The following TRPM3 variants were observed in gnomAD, a reference collection of about 807,000 sequenced individuals.
TRPM3 encodes transient receptor potential cation channel subfamily M member 3, also known as long transient receptor potential channel 3.
A neutral mutation model predicts 181.2 loss-of-function variants in TRPM3; 77 were observed. The ratio of observed to expected loss-of-function variants is 0.42; its 90% confidence interval spans 0.35 to 0.51. The LOEUF is 0.51. Among genes scored for constraint, TRPM3 ranks in the 20% least tolerant of loss-of-function variants. The pLI is 0.01. For missense variants in TRPM3, 1,759 were observed against 2,196.7 expected (o/e 0.80, Z 3.98); for synonymous variants, 745 against 796.4 (o/e 0.94, Z 1.09).
At chr9:70,949,341 G>A (rs1039711822) in intron 1 of TRPM3, among the ~76,000 whole-genome samples, 1 of 151,616 alleles carries the variant, frequency 6.6e-6, no homozygotes, top group African/African-American at 2.4e-5. Context: ...ATAGGCATGA[G>A]CCACCATGCC....
chr9:70,914,938 C>T (rs776901239), intron 1 of TRPM3, among the ~76,000 whole-genome samples: 2 of 152,202 alleles, frequency 1.3e-5, no homozygotes, highest in Non-Finnish European at 2.9e-5. Flanking sequence ...TAGATTACAA[C>T]ACCCAAGTCC....
At chr9:71,039,556 T>C (rs1281741311) in intron 1 of TRPM3, among the ~76,000 whole-genome samples, 1 of 152,176 alleles carries the variant, frequency 6.6e-6, no homozygotes, top group Non-Finnish European at 1.5e-5. Context: ...ATATGTAACC[T>C]TCTCACAAAA....
chr9:70,588,424 GT>G (rs1243942964), intron 22 of TRPM3, among the ~76,000 whole-genome samples: 4 of 151,440 alleles, frequency 2.6e-5, no homozygotes, highest in Non-Finnish European at 5.9e-5. Flanking sequence ...TTAAGAAAGA[GT>G]ATTTTCCCAA....
intron 9 of TRPM3, among the ~76,000 whole-genome samples, chr9:70,654,686 GTT>G (rs112874508): frequency 2.1e-5 from 3 of 142,248 alleles, no homozygotes. Context: ...GCACTCTGTA[GTT>G]TTTTTTTTTT....
intron 1 of TRPM3, among the ~76,000 whole-genome samples, chr9:70,895,475 T>G (rs922743997): frequency 3.9e-5 from 6 of 152,178 alleles, no homozygotes; most frequent in African/African-American, 1.4e-4. Context: ...ATATTTTGAT[T>G]AGAATTGTCT....
rs187873159 is a variant in TRPM3 at position 70,979,653 on chromosome 9, A to G, written c.178-115142T>C. On this transcript the variant is annotated intron_variant, in intron 1 of 25. Coordinates refer to ENST00000677713, the MANE Select transcript of TRPM3 (RefSeq NM_001366145.2). Reference sequence around the variant, plus strand: ...CTAAATTCAACCAACACTCTTCACAACTGCAGCCACCCCCTACCCACACAA... The same window carrying G: ...CTAAATTCAACCAACACTCTTCACAGCTGCAGCCACCCCCTACCCACACAA... 2.1e-3 allele frequency among the ~76,000 whole-genome samples: 324 copies of G among 152,310 alleles called. 1 individual carries two copies. Among genetic ancestry groups the G allele is most frequent in the Non-Finnish European group, 2.6e-3 (176 of 68,032 alleles).
At chr9:70,989,682 A>C (rs1004923794) in intron 1 of TRPM3, among the ~76,000 whole-genome samples, 1 of 152,200 alleles carries the variant, frequency 6.6e-6, no homozygotes, top group Non-Finnish European at 1.5e-5. Flanking sequence ...ATGTTGTTCA[A>C]GGTAAATCCC....
At chr9:71,204,109 C>A (rs2078973160) in intron 1 of TRPM3, among the ~76,000 whole-genome samples, 1 of 151,030 alleles carries the variant, frequency 6.6e-6, no homozygotes, top group African/African-American at 2.4e-5. Flanking sequence ...CATAAAAACC[C>A]TAGAAGAAAA....
chr9:70,793,746 T>C lies in TRPM3; in HGVS notation c.974-9467A>G, dbSNP rs775689718. On this transcript the variant is annotated intron_variant, in intron 6 of 25. Transcript: ENST00000677713. The stretch of plus-strand genomic sequence containing the variant: ...GTCCCTCACTTAGAATGATTCAACT[T>C]GCAATTTTTCAACTTTGCAGTGATG... The C allele has an allele frequency of 5.8e-5, 25 of 432,044 alleles. 1 individual carries two copies. Among genetic ancestry groups the C allele is most frequent in the South Asian group, 3.8e-4 (22 of 58,634 alleles). 26.8% of individuals were successfully genotyped at this position (432,044 alleles called of 1,614,324 possible).
Position 70,598,588 on chromosome 9 carries a change from G to A in TRPM3, c.2879C>T (p.Ala960Val). The A allele has an allele frequency of 6.2e-7, 1 of 1,614,202 alleles. No homozygotes were observed. Among genetic ancestry groups the A allele is most frequent in the African/African-American group, 1.3e-5 (1 of 75,056 alleles). ...QEYWNVTDLIAILLFSVGMIL... is the reference protein window; with the variant it reads ...QEYWNVTDLIVILLFSVGMIL... Reference sequence around the variant, plus strand: ...CATTCCGACAGAAAACAGAAGGATGGCGATGAGGTCCGTGACATTCCAGTA... The same window carrying A: ...CATTCCGACAGAAAACAGAAGGATGACGATGAGGTCCGTGACATTCCAGTA... Residue 960 changes from alanine to valine, a missense_variant, in exon 21 of 26, where the codon GCC becomes GTC. Ala to Val is a moderately conservative substitution (Grantham distance 64). This residue lies in a region of TRPM3 where 100 missense variants were observed against 123.0 expected (regional missense o/e 0.81). Coordinates refer to ENST00000677713, the MANE Select transcript of TRPM3 (RefSeq NM_001366145.2).
intron 8 of TRPM3, among the ~76,000 whole-genome samples, chr9:70,740,649 T>C (rs1297877272): frequency 6.6e-6 from 1 of 152,064 alleles, no homozygotes; most frequent in Non-Finnish European, 1.5e-5. Flanking sequence ...CAATGGAACA[T>C]GATAGAGAAC....
chr9:71,123,886 C>A (rs1376995156), upstream of TRPM3, among the ~76,000 whole-genome samples: 1 of 152,154 alleles, frequency 6.6e-6, no homozygotes, highest in Non-Finnish European at 1.5e-5. Flanking sequence ...CCCTGCCCTG[C>A]AGTATTTCAA....
intron 1 of TRPM3, among the ~76,000 whole-genome samples, chr9:71,373,139 T>G (rs1419767213): frequency 1.3e-5 from 2 of 151,982 alleles, no homozygotes; most frequent in Non-Finnish European, 1.5e-5. Flanking sequence ...AAGTGGGAAA[T>G]TTATAGCACT....
intron 1 of TRPM3, among the ~76,000 whole-genome samples, chr9:71,395,095 C>T (rs1158668937): frequency 2.0e-5 from 3 of 152,204 alleles, no homozygotes; most frequent in Non-Finnish European, 4.4e-5. Context: ...CATTGTGCTA[C>T]CAAAATGCCA....
At chr9:70,984,336 A>G (rs1390870987) in intron 1 of TRPM3, among the ~76,000 whole-genome samples, 1 of 152,198 alleles carries the variant, frequency 6.6e-6, no homozygotes, top group Non-Finnish European at 1.5e-5. Context: ...CAGAAGTTCT[A>G]TAATTTGAAG....
chr9:71,257,707 G>A (rs1438366121), intron 1 of TRPM3, among the ~76,000 whole-genome samples: 2 of 152,102 alleles, frequency 1.3e-5, no homozygotes, highest in African/African-American at 4.8e-5. Context: ...ACCAGTAACC[G>A]CAAGTGAATG....
intron 1 of TRPM3, among the ~76,000 whole-genome samples, chr9:70,890,697 T>C (rs919811566): frequency 6.6e-6 from 1 of 152,086 alleles, no homozygotes; most frequent in Non-Finnish European, 1.5e-5. Flanking sequence ...AATAAATAAA[T>C]GTTAGTTCCT....
Position 70,922,849 on chromosome 9 carries a change from A to G in TRPM3, c.178-58338T>C, listed in dbSNP as rs191066751. Among the ~76,000 whole-genome samples, 62 of 152,302 alleles carry G rather than the reference A, an allele frequency of 4.1e-4. 1 individual carries two copies. The East Asian group carries it at 0.01, about 25-fold the overall frequency. On this transcript the variant is annotated intron_variant, in intron 1 of 25. Transcript: ENST00000677713. ...GGGTCTCCAAAGAGGTTATTTTTCA[A>G]AAGGAGATTTTGCAGGTAACCAGCA...
At chr9:71,242,434 T>C (rs961846534) in intron 1 of TRPM3, among the ~76,000 whole-genome samples, 1 of 152,220 alleles carries the variant, frequency 6.6e-6, no homozygotes, top group Non-Finnish European at 1.5e-5. Flanking sequence ...TCTGTTTATT[T>C]AGGCTTGACT....
Sources: gnomAD v4.1 joint callset for allele counts (sites outside exome capture counted in the v4.1 genomes callset) on GRCh38, gnomAD v4.1.1 for gene constraint, gnomAD v4.1.1 regional missense constraint, MANE v1.5 for transcripts, NCBI Gene and HGNC (gene_info 2026-07-23, HGNC 2026-07-21) for gene names.